Variants in SUSD3 observed in about 807,000 individuals in gnomAD.
SUSD3 encodes the protein sushi domain containing 3, also known as sushi domain-containing protein 3.
A neutral mutation model predicts 20.6 loss-of-function variants in SUSD3; 18 were observed. The observed-to-expected ratio is 0.87, with a 90% CI of 0.60 to 1.30. The LOEUF (loss-of-function observed/expected upper bound fraction) is 1.30, where lower values mean the gene tolerates loss of function less well. Among genes scored for constraint, SUSD3 ranks in the 50% most tolerant of loss-of-function variants. SUSD3 has a pLI of 0.00. For synonymous variants in SUSD3, 137 were observed against 141.5 expected, an observed-to-expected ratio of 0.97 and a Z score of 0.23; for missense variants, 306 against 346.9, an observed-to-expected ratio of 0.88 and a Z score of 0.94.
Position 93,058,778 on chromosome 9 carries a change from G to A in SUSD3, c.36G>A (p.Ala12=). 1 of 1,239,082 alleles carries A rather than the reference G, an allele frequency of 8.1e-7. No homozygotes were observed. Among genetic ancestry groups the A allele is most frequent in the Non-Finnish European group, 1.0e-6 (1 of 991,424 alleles). The allele number at this position is 1,239,082 out of a possible 1,614,324, so 76.8% of individuals were successfully genotyped here. The change falls in exon 1 of 5, where the codon GCG becomes GCA. Residue 12 remains alanine, a synonymous_variant. Transcript: ENST00000375472. ...CGGCCGCCACCCTCCGTGGCAAGGC[G>A]AGGCCCCGGGGGCGGGCCGGGGTCA... is the stretch of plus-strand genomic sequence containing the variant. ...RWAAATLRGK[A]RPRGRAGVTT... is the part of the protein sequence containing the mutation.
At chr9:93,062,917 C>G (rs927130381) in intron 1 of SUSD3, among the ~76,000 whole-genome samples, 2 of 152,218 alleles carry the variant, frequency 1.3e-5, no homozygotes, top group East Asian at 3.9e-4. Context: ...GCTGTGAGTT[C>G]GCTGTGAATC....
Position 93,075,797 on chromosome 9 carries a change from G to T in SUSD3, c.102G>T (p.Lys34Asn), listed in dbSNP as rs773303172. 5 of 1,465,094 alleles carry T rather than the reference G, an allele frequency of 3.4e-6. No individual in the cohort carries two copies. The African/African-American group carries it at 6.4e-5, about 19-fold the overall frequency. The allele number at this position is 1,465,094 out of a possible 1,614,324, so 90.8% of individuals were successfully genotyped here. A position where few individuals can be genotyped will look rare whatever the true frequency, so the allele number is the denominator to read the frequency against. ...APGNRTGTCA[K>N]LRLPPQATFQ... ...CTGTCTCCCCAGGCACGTGCGCTAA[G>T]CTGCGGCTACCCCCGCAAGCAACCT... The change falls in exon 2 of 5, where the codon AAG becomes AAT. Residue 34 changes from lysine (K) to asparagine (N), a missense_variant. Transcript: ENST00000375472.
intron 1 of SUSD3, among the ~76,000 whole-genome samples, chr9:93,060,860 A>T (rs1000225592): frequency 1.3e-5 from 2 of 152,124 alleles, no homozygotes; most frequent in Non-Finnish European, 2.9e-5. Context: ...AACCAAAAAC[A>T]TAGCACGGGG....
At chr9:93,078,222 CTT>C (rs2118988443) in intron 3 of SUSD3, among the ~76,000 whole-genome samples, 1 of 151,902 alleles carries the variant, frequency 6.6e-6, no homozygotes, top group African/African-American at 2.4e-5. Flanking sequence ...AGGCCCTGCT[CTT>C]AGGCCAGGCT....
chr9:93,062,108 C>G (rs1468894320), intron 1 of SUSD3, among the ~76,000 whole-genome samples: 5 of 152,228 alleles, frequency 3.3e-5, no homozygotes, highest in African/African-American at 1.2e-4. Flanking sequence ...TCCACCCGGT[C>G]AGGCTTGGCC....
chr9:93,061,071 G>C (rs1400342255), intron 1 of SUSD3, among the ~76,000 whole-genome samples: 1 of 152,186 alleles, frequency 6.6e-6, no homozygotes, highest in Non-Finnish European at 1.5e-5. Flanking sequence ...CATGTTTGTT[G>C]TATGACTGGC....
At chr9:93,080,939 T>C (rs1826390015) in intron 4 of SUSD3, among the ~76,000 whole-genome samples, 1 of 152,262 alleles carries the variant, frequency 6.6e-6, no homozygotes, top group Non-Finnish European at 1.5e-5. Context: ...TCTGAAACTT[T>C]TATTTTGGGA....
intron 1 of SUSD3, among the ~76,000 whole-genome samples, chr9:93,070,699 G>A (rs1428104437): frequency 6.6e-6 from 1 of 152,178 alleles, no homozygotes; most frequent in African/African-American, 2.4e-5. Context: ...GTCCAAGGTG[G>A]GCACAACAGC....
intron 1 of SUSD3, among the ~76,000 whole-genome samples, chr9:93,073,953 G>A (rs1826015958): frequency 6.6e-6 from 1 of 152,286 alleles, no homozygotes; most frequent in South Asian, 2.1e-4. Context: ...AAGACCCTCT[G>A]CCCAGTTTGC....
intron 1 of SUSD3, among the ~76,000 whole-genome samples, chr9:93,063,216 C>G (rs1825575737): frequency 6.6e-6 from 1 of 152,170 alleles, no homozygotes; most frequent in Admixed American, 6.5e-5. Flanking sequence ...GCTGAAGTTT[C>G]CCTGTGTTCC....
chr9:93,069,912 T>C (rs908817840), intron 1 of SUSD3, among the ~76,000 whole-genome samples: 3 of 152,130 alleles, frequency 2.0e-5, no homozygotes, highest in Non-Finnish European at 4.4e-5. Flanking sequence ...CCCAAGTAGC[T>C]GGGATTACAG....
intron 1 of SUSD3, among the ~76,000 whole-genome samples, chr9:93,067,948 T>C (rs1825779092): frequency 6.6e-6 from 1 of 152,246 alleles, no homozygotes; most frequent in South Asian, 2.1e-4. Flanking sequence ...GGTTTTGATT[T>C]GTATTTCCCT....
chr9:93,064,029 T>C (rs1167788480), intron 1 of SUSD3, among the ~76,000 whole-genome samples: 1 of 152,184 alleles, frequency 6.6e-6, no homozygotes, highest in Non-Finnish European at 1.5e-5. Context: ...GCTGGTCCCC[T>C]TTCTTTGGTT....
At chr9:93,060,072 C>T (rs1291268919) in intron 1 of SUSD3, among the ~76,000 whole-genome samples, 1 of 152,176 alleles carries the variant, frequency 6.6e-6, no homozygotes, top group East Asian at 1.9e-4. Flanking sequence ...CTTGACTTGC[C>T]CAAGGTCAGC....
At chr9:93,071,482 C>G (rs1250078368) in intron 1 of SUSD3, among the ~76,000 whole-genome samples, 3 of 152,190 alleles carry the variant, frequency 2.0e-5, no homozygotes, top group Admixed American at 2.0e-4. Flanking sequence ...TCTAGTCCTT[C>G]CACGTTCCTC....
Position 93,084,663 on chromosome 9 carries a change from C to T in SUSD3, c.684C>T (p.His228=), listed in dbSNP as rs1321944969. 1 of 1,607,946 alleles carries T rather than the reference C, an allele frequency of 6.2e-7. No individual in the cohort carries two copies. The highest frequency in any genetic ancestry group is 8.5e-7 in the Non-Finnish European group (1 of 1,177,194). ...SSSPQAQVMV[H]MANPRQPLPA... is the part of the protein sequence containing the mutation. ...CACCCCAAGCCCAGGTGATGGTGCA[C>T]ATGGCAAACCCCAGACAGCCCCTGC... Residue 228 remains histidine, a synonymous_variant, in exon 5 of 5, where the codon CAC becomes CAT. Coordinates refer to ENST00000375472, the MANE Select transcript of SUSD3 (RefSeq NM_145006.4).
In SUSD3 at chr9:93,084,636, C is replaced by T. The variant is rs763801919; in HGVS notation, c.657C>T (p.Ser219=). Residue 219 remains serine (S), a synonymous_variant, in exon 5 of 5, where the codon AGC becomes AGT. Coordinates refer to ENST00000375472, the MANE Select transcript of SUSD3 (RefSeq NM_145006.4). ...PRALSLSGSS[S]SPQAQVMVHM... ...CTCTAAGCCTCAGTGGCTCCTCCAG[C>T]TCACCCCAAGCCCAGGTGATGGTGC... The T allele has an allele frequency of 1.2e-6, 2 of 1,609,894 alleles. No homozygotes were observed. The highest frequency in any genetic ancestry group is 2.2e-5 in the East Asian group (1 of 44,688).
intron 1 of SUSD3, 49 bp from the exon 2 acceptor site, chr9:93,075,735 T>TTCCCCCCCCCCCCCCCCCCCCCCC: frequency 8.1e-6 from 2 of 247,428 alleles, no homozygotes; most frequent in Non-Finnish European, 7.4e-6. Context: ...CTGCCCTGCG[T>TTCCCCCCCCCCCCCCCCCCCCCCC]GCCCACCCCC....
chr9:93,066,379 G>A (rs1280332823), intron 1 of SUSD3, among the ~76,000 whole-genome samples: 3 of 151,982 alleles, frequency 2.0e-5, no homozygotes, highest in Admixed American at 6.6e-5. Flanking sequence ...AACTACAGGC[G>A]CACGCCACCA....
Sources: gnomAD v4.1 joint callset for allele counts (sites outside exome capture counted in the v4.1 genomes callset) on GRCh38, gnomAD v4.1.1 for gene constraint, MANE v1.5 for transcripts, NCBI Gene and HGNC (gene_info 2026-07-23, HGNC 2026-07-21) for gene names.